The following NET1 variants were observed in gnomAD, a reference collection of about 807,000 sequenced individuals.
NET1 encodes the protein neuroepithelial cell transforming 1.
A neutral mutation model predicts 61.1 loss-of-function variants in NET1; 42 were observed. The observed-to-expected ratio is 0.69, with a 90% CI of 0.54 to 0.89. The LOEUF is 0.89. NET1 is among the 40% of genes least tolerant of loss of function. The probability of loss-of-function intolerance (pLI) is 0.00; values close to 1 mark genes in which losing one functional copy is unlikely to be tolerated. For synonymous variants in NET1, 254 were observed against 281.8 expected (o/e 0.90, Z 0.99); for missense variants, 654 against 747.3 (o/e 0.88, Z 1.46).
At chr10:5,430,045 T>G (rs142494938) in intron 3 of NET1, among the ~76,000 whole-genome samples, 17 of 152,320 alleles carry the variant, frequency 1.1e-4, no homozygotes, top group African/African-American at 3.6e-4. Flanking sequence ...GCAAGTCAAT[T>G]TTTTTCTTAT....
Position 5,455,090 on chromosome 10 carries a change from A to G in NET1, c.1169A>G (p.His390Arg), listed in dbSNP as rs1306668516. Residue 390 changes from histidine (H) to arginine (R), a missense_variant, in exon 10 of 12, where the codon CAT becomes CGT. Physicochemically the swap from His to Arg is conservative, Grantham distance 29. Transcript: ENST00000355029. The surrounding 1 kb of genome is among the most constrained non-coding windows in gnomAD (Gnocchi z 6.5). ...GAAGCGAGCAAAGTGCTGCTGTGCC[A>G]TGGGGAGCTGCGGAGCAAGAGTGGA... ...RIEASKVLLC[H>R]GELRSKSGHK... is the part of the protein sequence containing the mutation. The G allele has an allele frequency of 1.2e-6, 2 of 1,613,670 alleles. No individual in the cohort carries two copies. Among genetic ancestry groups the G allele is most frequent in the Non-Finnish European group, 1.7e-6 (2 of 1,180,022 alleles).
Position 5,417,411 on chromosome 10 carries a change from G to A in NET1, c.128+4591G>A, listed in dbSNP as rs551985769. Reference sequence around the variant, plus strand: ...GGCCTGGGGATGGAGCCCTAGCAAGGGACCACGCTCTCCTCTACGCAGCAC... The same window carrying A: ...GGCCTGGGGATGGAGCCCTAGCAAGAGACCACGCTCTCCTCTACGCAGCAC... On this transcript the variant is annotated intron_variant, in intron 1 of 11. Coordinates refer to ENST00000355029, the MANE Select transcript of NET1 (RefSeq NM_001047160.3). This position sits in a 1 kb window ranked among gnomAD's most constrained non-coding sequence, Gnocchi z 5.5. Among the ~76,000 whole-genome samples the A allele has an allele frequency of 1.3e-5, 2 of 152,136 alleles. No individual in the cohort carries two copies. The highest frequency in any genetic ancestry group is 4.2e-4 in the South Asian group (2 of 4,796).
rs186654890 is a variant in NET1, at chr10:5,420,691, G to C, written c.129-5964G>C. On this transcript the variant is annotated intron_variant, in intron 1 of 11. Coordinates refer to ENST00000355029, the MANE Select transcript of NET1 (RefSeq NM_001047160.3). The surrounding 1 kb of genome is among the most constrained non-coding windows in gnomAD (Gnocchi z 5.3). Reference sequence around the variant, plus strand: ...GCTCACTGTAGCCTCCGACTCCCTGGTTCAAGTGATCCTCCTTCCTCAGCC... The same window carrying C: ...GCTCACTGTAGCCTCCGACTCCCTGCTTCAAGTGATCCTCCTTCCTCAGCC... Among the ~76,000 whole-genome samples, 34 of 152,252 alleles carry C rather than the reference G, an allele frequency of 2.2e-4. No individual in the cohort carries two copies. Among genetic ancestry groups the C allele is most frequent in the African/African-American group, 6.5e-4 (27 of 41,538 alleles).
chr10:5,454,584 C>T lies in NET1; in HGVS notation c.1026+62C>T. The T allele has an allele frequency of 4.6e-6, 7 of 1,530,438 alleles. No individual in the cohort carries two copies. The highest frequency in any genetic ancestry group is 1.8e-4 in the Middle Eastern group (1 of 5,566). 94.8% of individuals were successfully genotyped at this position (1,530,438 alleles called of 1,614,324 possible). On this transcript the variant is annotated intron_variant, in intron 9 of 11. Coordinates refer to ENST00000355029, the MANE Select transcript of NET1 (RefSeq NM_001047160.3). The surrounding 1 kb of genome is among the most constrained non-coding windows in gnomAD (Gnocchi z 8.1). ...GTTTATACATTAGGCTGCTTTAGAA[C>T]GTTATCTTCTGAAGATGCTGATTCA...
chr10:5,426,478 C>T lies in NET1; in HGVS notation c.129-177C>T, dbSNP rs1236574937. Among the ~76,000 whole-genome samples the T allele has an allele frequency of 1.3e-5, 2 of 152,086 alleles. No homozygotes were observed. The highest frequency in any genetic ancestry group is 2.4e-5 in the African/African-American group (1 of 41,412). ...GCTGAGAATGACCAAAACCTATACC[C>T]TGTTTGTTTGTTTTTTATATATATA... On this transcript the variant is annotated intron_variant, in intron 1 of 11. Coordinates refer to ENST00000355029, the MANE Select transcript of NET1 (RefSeq NM_001047160.3). This position sits in a 1 kb window ranked among gnomAD's most constrained non-coding sequence, Gnocchi z 4.6.
Position 5,452,016 on chromosome 10 carries a change from C to A in NET1, c.363+79C>A. On this transcript the variant is annotated intron_variant, in intron 4 of 11. Transcript: ENST00000355029. This position sits in a 1 kb window ranked among gnomAD's most constrained non-coding sequence, Gnocchi z 4.0. Reference sequence around the variant, plus strand: ...AATTTGTAGTTGTCTTTGAGCTGTACAAACAAGTTTGCATTATTATATTTA... The same window carrying A: ...AATTTGTAGTTGTCTTTGAGCTGTAAAAACAAGTTTGCATTATTATATTTA... The A allele has an allele frequency of 1.9e-6, 2 of 1,065,352 alleles. No homozygotes were observed. Among genetic ancestry groups the A allele is most frequent in the Non-Finnish European group, 2.8e-6 (2 of 722,882 alleles). 66.0% of individuals were successfully genotyped at this position (1,065,352 alleles called of 1,614,324 possible).
Position 5,456,579 on chromosome 10 carries a change from T to A in NET1, c.1385-9T>A. ...TGATTTCTTTTTTTTTTCCAATTTT[T>A]TTTTTCAGCTAAAAATATCTTTAGA... On this transcript the variant is annotated splice_polypyrimidine_tract_variant and intron_variant, in intron 11 of 11. Coordinates refer to ENST00000355029, the MANE Select transcript of NET1 (RefSeq NM_001047160.3). The surrounding 1 kb of genome is among the most constrained non-coding windows in gnomAD (Gnocchi z 7.0). 1 of 1,519,084 alleles carries A rather than the reference T, an allele frequency of 6.6e-7. No individual in the cohort carries two copies. Among genetic ancestry groups the A allele is most frequent in the Non-Finnish European group, 8.8e-7 (1 of 1,134,556 alleles). 94.1% of individuals were successfully genotyped at this position (1,519,084 alleles called of 1,614,324 possible). A position where few individuals can be genotyped will look rare whatever the true frequency, so the allele number is the denominator to read the frequency against.
intron 3 of NET1, among the ~76,000 whole-genome samples, chr10:5,436,248 A>ATATATTTTT (rs1564462826): frequency 1.1e-4 from 2 of 18,420 alleles, no homozygotes; most frequent in Non-Finnish European, 1.9e-4. Flanking sequence ...ATATATATAT[A>ATATATTTTT]TTTTTTTTTT....
rs904004487 is a variant in NET1 at position 5,439,259 on chromosome 10, T to A, written c.255+10030T>A. 6.6e-6 allele frequency among the ~76,000 whole-genome samples: 1 copy of A among 152,212 alleles called. No individual in the cohort carries two copies. Among genetic ancestry groups the A allele is most frequent in the African/African-American group, 2.4e-5 (1 of 41,442 alleles). ...TTGCCGCTCTCTTTAGGATTACCCC[T>A]GAATGGGATGCAGTGCAATAGTGGT... On this transcript the variant is annotated intron_variant, in intron 3 of 11. Transcript: ENST00000355029. This position sits in a 1 kb window ranked among gnomAD's most constrained non-coding sequence, Gnocchi z 4.8.
Position 5,449,568 on chromosome 10 carries a change from C to T in NET1, c.256-2262C>T, listed in dbSNP as rs1294532762. Among the ~76,000 whole-genome samples the T allele has an allele frequency of 1.3e-5, 2 of 152,162 alleles. No individual in the cohort carries two copies. Among genetic ancestry groups the T allele is most frequent in the African/African-American group, 2.4e-5 (1 of 41,426 alleles). On this transcript the variant is annotated intron_variant, in intron 3 of 11. Coordinates refer to ENST00000355029, the MANE Select transcript of NET1 (RefSeq NM_001047160.3). The surrounding 1 kb of genome is among the most constrained non-coding windows in gnomAD (Gnocchi z 4.4). ...CTAAAGAGACCACATCAACAAAACC[C>T]GTGTTCGTTTCAGAAGTATGCTTTA...
intron 3 of NET1, among the ~76,000 whole-genome samples, chr10:5,430,731 T>G (rs183773752): frequency 2.6e-5 from 4 of 152,256 alleles, no homozygotes; most frequent in Non-Finnish European, 4.4e-5. Context: ...TAATATCAGA[T>G]TCAGTTCAGA....
chr10:5,430,289 T>A (rs922945259), intron 3 of NET1, among the ~76,000 whole-genome samples: 73 of 152,330 alleles, frequency 4.8e-4, no homozygotes, highest in African/African-American at 1.7e-3. Flanking sequence ...GTTATCAATA[T>A]ATGAATTATT....
rs1400239872 is a variant in NET1 at position 5,443,022 on chromosome 10, C to G, written c.256-8808C>G. Reference sequence around the variant, plus strand: ...TCTCAACCGTTTTTATGGTTTCCTCCTCTATAAAAGTATTGGCAATTTAGT... The same window carrying G: ...TCTCAACCGTTTTTATGGTTTCCTCGTCTATAAAAGTATTGGCAATTTAGT... On this transcript the variant is annotated intron_variant, in intron 3 of 11. Coordinates refer to ENST00000355029, the MANE Select transcript of NET1 (RefSeq NM_001047160.3). This position sits in a 1 kb window ranked among gnomAD's most constrained non-coding sequence, Gnocchi z 4.8. 6.6e-6 allele frequency among the ~76,000 whole-genome samples: 1 copy of G among 152,176 alleles called. No homozygotes were observed. Among genetic ancestry groups the G allele is most frequent in the East Asian group, 1.9e-4 (1 of 5,202 alleles).
At position 5,437,332 on chromosome 10, in the gene NET1, T is replaced by A. The variant is rs1276374768; in HGVS notation, c.255+8103T>A. Among the ~76,000 whole-genome samples, 1 of 152,190 alleles carries A rather than the reference T, an allele frequency of 6.6e-6. No homozygotes were observed. ...TTTTAATTTATGTTTTATTGGTACA[T>A]ATAAAGCAGGCTCCCTAATTCTTCT... On this transcript the variant is annotated intron_variant, in intron 3 of 11. Coordinates refer to ENST00000355029, the MANE Select transcript of NET1 (RefSeq NM_001047160.3). This position sits in a 1 kb window ranked among gnomAD's most constrained non-coding sequence, Gnocchi z 4.3.
At position 5,440,099 on chromosome 10, in the gene NET1, G is replaced by A. The variant is rs1473523765; in HGVS notation, c.255+10870G>A. On this transcript the variant is annotated intron_variant, in intron 3 of 11. Transcript: ENST00000355029. The surrounding 1 kb of genome is among the most constrained non-coding windows in gnomAD (Gnocchi z 4.1). The stretch of plus-strand genomic sequence containing the variant: ...TTTGTGGCATGCGTTTGATTTACTG[G>A]GATATCCAAAATACTTTCCACTTCC... Among the ~76,000 whole-genome samples the A allele has an allele frequency of 6.6e-6, 1 of 152,094 alleles. No individual in the cohort carries two copies. The highest frequency in any genetic ancestry group is 1.5e-5 in the Non-Finnish European group (1 of 68,016).
chr10:5,426,590 C>G lies in NET1; in HGVS notation c.129-65C>G. The stretch of plus-strand genomic sequence containing the variant: ...AAGTATGAAAAGTATAGCTTTTTAT[C>G]TGTTTGATGCTCTATTATGCTAAAG... On this transcript the variant is annotated intron_variant, in intron 1 of 11. Coordinates refer to ENST00000355029, the MANE Select transcript of NET1 (RefSeq NM_001047160.3). This position sits in a 1 kb window ranked among gnomAD's most constrained non-coding sequence, Gnocchi z 4.6. 1 of 1,247,596 alleles carries G rather than the reference C, an allele frequency of 8.0e-7. No individual in the cohort carries two copies. 77.3% of individuals were successfully genotyped at this position (1,247,596 alleles called of 1,614,324 possible).
rs904746258 is a variant in NET1 at position 5,451,497 on chromosome 10, A to G, written c.256-333A>G. Among the ~76,000 whole-genome samples the G allele has an allele frequency of 6.2e-5, 7 of 112,460 alleles. No individual in the cohort carries two copies. The highest frequency in any genetic ancestry group is 1.4e-4 in the African/African-American group (5 of 36,494). The allele number at this position is 112,460 out of a possible 152,430, so 73.8% of individuals were successfully genotyped here. On this transcript the variant is annotated intron_variant, in intron 3 of 11. Coordinates refer to ENST00000355029, the MANE Select transcript of NET1 (RefSeq NM_001047160.3). This position sits in a 1 kb window ranked among gnomAD's most constrained non-coding sequence, Gnocchi z 6.1. ...TGTATGTTCGAAAATTTTCATAACA[A>G]TAAGGCTTTTTTTTAAAAAAAAAAA...
rs1218854739 is a variant in NET1, at chr10:5,435,147, A to C, written c.255+5918A>C. ...GTCACCTGAGGGTGGCTTGTGTAGCAGGAGAAGTGTGCTACGGGACCTATT... is the reference window on the plus strand; with the variant it reads ...GTCACCTGAGGGTGGCTTGTGTAGCCGGAGAAGTGTGCTACGGGACCTATT... On this transcript the variant is annotated intron_variant, in intron 3 of 11. Transcript: ENST00000355029. The surrounding 1 kb of genome is among the most constrained non-coding windows in gnomAD (Gnocchi z 5.0). Among the ~76,000 whole-genome samples the C allele has an allele frequency of 6.6e-6, 1 of 152,220 alleles. No individual in the cohort carries two copies. The highest frequency in any genetic ancestry group is 1.5e-5 in the Non-Finnish European group (1 of 68,028).
chr10:5,432,596 T>G (rs1157775098), intron 3 of NET1, among the ~76,000 whole-genome samples: 2 of 76,422 alleles, frequency 2.6e-5, no homozygotes, highest in African/African-American at 8.5e-5. Context: ...GAATTACTGC[T>G]TTTTAAATTT....
Sources: gnomAD v4.1 joint callset for allele counts (sites outside exome capture counted in the v4.1 genomes callset) on GRCh38, gnomAD v4.1.1 for gene constraint, Gnocchi (gnomAD v3.1) non-coding constraint, MANE v1.5 for transcripts, NCBI Gene and HGNC (gene_info 2026-07-23, HGNC 2026-07-21) for gene names.